C8orf34: variants seen among roughly 807,000 people sequenced by gnomAD.
The protein encoded by C8orf34 is chromosome 8 open reading frame 34.
In C8orf34, 65 loss-of-function variants were observed where a neutral mutation model predicts 68.3. That is an observed-to-expected ratio of 0.95 (90% CI 0.78 to 1.17). C8orf34 has a LOEUF of 1.17. Among genes scored for constraint, C8orf34 ranks in the 50% most tolerant of loss-of-function variants. The pLI is 0.00. For synonymous variants in C8orf34, 244 were observed against 241.2 expected (o/e 1.01, Z -0.11); for missense variants, 664 against 655.4 (o/e 1.01, Z -0.14).
At chr8:68,510,750 G>T (rs1179753443) in intron 5 of C8orf34, among the ~76,000 whole-genome samples, 1 of 152,124 alleles carries the variant, frequency 6.6e-6, no homozygotes, top group African/African-American at 2.4e-5. Flanking sequence ...TTGGCCTTTT[G>T]GATTGGCTTT....
intron 8 of C8orf34, among the ~76,000 whole-genome samples, chr8:68,674,375 C>T (rs948738827): frequency 2.6e-5 from 4 of 151,946 alleles, no homozygotes; most frequent in Admixed American, 6.6e-5. Context: ...TTAAAATAGC[C>T]ATTTTGAGAA....
Position 68,596,960 on chromosome 8 carries a change from G to T in C8orf34, c.1106-43416G>T, listed in dbSNP as rs138363158. 8.5e-4 allele frequency among the ~76,000 whole-genome samples: 129 copies of T among 152,244 alleles called. 1 individual carries two copies. Among genetic ancestry groups the T allele is most frequent in the Middle Eastern group, 6.8e-3 (2 of 294 alleles). ...TAAAGAACTTCTCAAAGTATATATA[G>T]TATGGATCTTCCATGTACATGCGGT... On this transcript the variant is annotated intron_variant, in intron 7 of 13. Transcript: ENST00000518698.
intron 10 of C8orf34, among the ~76,000 whole-genome samples, chr8:68,758,874 C>G (rs919943100): frequency 7.2e-5 from 11 of 151,970 alleles, no homozygotes; most frequent in African/African-American, 2.7e-4. Context: ...GTTCTAAACT[C>G]AGCAGTAAAA....
intron 5 of C8orf34, among the ~76,000 whole-genome samples, chr8:68,508,149 T>C (rs1814106347): frequency 6.6e-6 from 1 of 152,210 alleles, no homozygotes; most frequent in Non-Finnish European, 1.5e-5. Context: ...TGCTTGCAAA[T>C]TGGCCAGTTA....
chr8:68,801,389 T>C (rs1408439561), intron 12 of C8orf34, among the ~76,000 whole-genome samples: 1 of 152,208 alleles, frequency 6.6e-6, no homozygotes, highest in African/African-American at 2.4e-5. Context: ...GAACATACTG[T>C]CCAGTTTGCC....
intron 7 of C8orf34, among the ~76,000 whole-genome samples, chr8:68,573,220 C>A (rs1333117997): frequency 6.6e-6 from 1 of 152,120 alleles, no homozygotes; most frequent in African/African-American, 2.4e-5. Context: ...ACTGCTCCCC[C>A]AACACTTGAA....
At chr8:68,637,709 G>A (rs1197183213) in intron 7 of C8orf34, among the ~76,000 whole-genome samples, 1 of 152,178 alleles carries the variant, frequency 6.6e-6, no homozygotes. Flanking sequence ...ATTCTAATTA[G>A]TAGATTATAA....
chr8:68,517,662 T>A (rs1022727294), intron 5 of C8orf34, among the ~76,000 whole-genome samples: 1 of 152,230 alleles, frequency 6.6e-6, no homozygotes, highest in African/African-American at 2.4e-5. Context: ...ACCAGGGAGT[T>A]AGTTCTGATT....
chr8:68,724,472 ACTGTTTTTTC>A (rs1341532938), intron 10 of C8orf34, among the ~76,000 whole-genome samples: 2 of 152,142 alleles, frequency 1.3e-5, no homozygotes, highest in East Asian at 3.9e-4. Flanking sequence ...ACTCTTGGAA[ACTGTTTTTTC>A]CTAGTGGCTT....
intron 10 of C8orf34, among the ~76,000 whole-genome samples, chr8:68,722,395 A>G (rs1206178429): frequency 1.3e-5 from 2 of 152,036 alleles, no homozygotes; most frequent in Non-Finnish European, 2.9e-5. Context: ...TCGACATATG[A>G]AATTTTAGGA....
chr8:68,507,873 A>G (rs1159904730), intron 5 of C8orf34, among the ~76,000 whole-genome samples: 1 of 152,198 alleles, frequency 6.6e-6, no homozygotes, highest in African/African-American at 2.4e-5. Context: ...TATTTTTAAG[A>G]CAAGCCTATT....
intron 1 of C8orf34, among the ~76,000 whole-genome samples, chr8:68,334,256 A>G (rs950306563): frequency 6.6e-6 from 1 of 152,116 alleles, no homozygotes. Context: ...TTTAAATTTC[A>G]TTGAAGATGT....
At chr8:68,625,456 T>A (rs1818510912) in intron 7 of C8orf34, 1 of 563,602 alleles carries the variant, frequency 1.8e-6, no homozygotes, top group Admixed American at 2.9e-5. Flanking sequence ...GAGGCAACTC[T>A]CCAAGAAAAT....
intron 10 of C8orf34, among the ~76,000 whole-genome samples, chr8:68,743,994 T>C (rs1417747129): frequency 2.6e-5 from 4 of 152,090 alleles, no homozygotes; most frequent in Non-Finnish European, 5.9e-5. Flanking sequence ...GTCTGACAGC[T>C]TTGAAGAGAG....
chr8:68,764,685 G>T (rs1823118986), intron 10 of C8orf34, among the ~76,000 whole-genome samples: 1 of 152,172 alleles, frequency 6.6e-6, no homozygotes, highest in Non-Finnish European at 1.5e-5. Context: ...AGAGACAGAA[G>T]AGACACTGCC....
rs1221398821 is a variant in C8orf34, at chr8:68,630,511, AC to A, written c.1106-9864del. Among the ~76,000 whole-genome samples the A allele has an allele frequency of 2.0e-5, 3 of 152,252 alleles. No individual in the cohort carries two copies. In the East Asian group the frequency reaches 5.8e-4, roughly 29 times the overall value. Reference sequence around the variant, plus strand: ...AGTATATTGAATATATTCAACATATACACTATATCCATGATATTTAGTTGAA... The same window carrying A: ...AGTATATTGAATATATTCAACATATAACTATATCCATGATATTTAGTTGAA... On this transcript the variant is annotated intron_variant, in intron 7 of 13. Transcript: ENST00000518698.
At chr8:68,481,333 G>A (rs942367883) in intron 4 of C8orf34, among the ~76,000 whole-genome samples, 3 of 113,034 alleles carry the variant, frequency 2.7e-5, no homozygotes, top group African/African-American at 3.8e-5. Flanking sequence ...TTGCTTCCAT[G>A]GCGGGGCCCT....
intron 8 of C8orf34, among the ~76,000 whole-genome samples, chr8:68,665,750 G>A (rs1326223382): frequency 2.6e-5 from 4 of 152,094 alleles, no homozygotes; most frequent in South Asian, 2.1e-4. Context: ...CCTCATCAGA[G>A]AGACCTTTCA....
intron 8 of C8orf34, among the ~76,000 whole-genome samples, chr8:68,691,410 C>T (rs956866740): frequency 2.0e-5 from 3 of 152,044 alleles, no homozygotes; most frequent in African/African-American, 7.2e-5. Context: ...CACTGGAAAA[C>T]AATACAATTT....
Sources: gnomAD v4.1 joint callset for allele counts (sites outside exome capture counted in the v4.1 genomes callset) on GRCh38, gnomAD v4.1.1 for gene constraint, MANE v1.5 for transcripts, NCBI Gene and HGNC (gene_info 2026-07-23, HGNC 2026-07-21) for gene names.